The following FYN variants were observed in gnomAD, a reference collection of about 807,000 sequenced individuals.
The protein encoded by FYN is tyrosine-protein kinase Fyn.
In FYN, 10 loss-of-function variants were observed where a neutral mutation model predicts 70.2. That is an observed-to-expected ratio of 0.14 (90% CI 0.09 to 0.24). FYN has a LOEUF of 0.24. Ranked by LOEUF, FYN falls within the 10% of genes least tolerant of loss-of-function variation. The pLI is 1.00. For synonymous variants in FYN, 236 were observed against 248.6 expected (o/e 0.95, Z 0.48); for missense variants, 319 against 673.1 (o/e 0.47, Z 5.82).
intron 5 of FYN, 42 bp downstream of exon 5, chr6:111,714,305 A>G (rs1473950265): frequency 7.3e-7 from 1 of 1,363,044 alleles, no homozygotes; most frequent in Non-Finnish European, 1.1e-6. Flanking sequence ...CCCCTTCCCA[A>G]CCTGAAAGGT....
chr6:111,805,474 C>A (rs1485053265), intron 2 of FYN, among the ~76,000 whole-genome samples: 1 of 152,184 alleles, frequency 6.6e-6, no homozygotes, highest in Non-Finnish European at 1.5e-5. Context: ...ACATGTGAGA[C>A]GCTGCTGTTG....
chr6:111,764,240 A>G (rs1309036317), intron 3 of FYN, among the ~76,000 whole-genome samples: 1 of 148,370 alleles, frequency 6.7e-6, no homozygotes, highest in Non-Finnish European at 1.5e-5. Flanking sequence ...AAAGAAAAGA[A>G]AAAAAAAGAA....
chr6:111,843,610 T>C (rs1475630240), intron 2 of FYN, among the ~76,000 whole-genome samples: 1 of 152,170 alleles, frequency 6.6e-6, no homozygotes, highest in Non-Finnish European at 1.5e-5. Flanking sequence ...GCTTGAAACT[T>C]TGTACTTTTG....
intron 2 of FYN, among the ~76,000 whole-genome samples, chr6:111,845,626 C>A (rs1158213134): frequency 6.6e-6 from 1 of 152,210 alleles, no homozygotes; most frequent in Non-Finnish European, 1.5e-5. Context: ...GCCTCTCTTG[C>A]ACTCAAATCA....
rs919450461 is a variant in FYN at position 111,661,355 on chromosome 6, T to C, written c.*384A>G. On this transcript the variant is annotated 3_prime_UTR_variant, in exon 14 of 14. Coordinates refer to ENST00000354650, the MANE Select transcript of FYN (RefSeq NM_002037.5). This position sits in a 1 kb window ranked among gnomAD's most constrained non-coding sequence, Gnocchi z 4.0. Reference sequence around the variant, plus strand: ...AGGCCACTTTTGGAAAATAATACTTTTTTTTTTTTAGTTGAATCAGGTGAA... The same window carrying C: ...AGGCCACTTTTGGAAAATAATACTTCTTTTTTTTTAGTTGAATCAGGTGAA... The C allele has an allele frequency of 6.2e-6, 1 of 161,180 alleles. No individual in the cohort carries two copies. Among genetic ancestry groups the C allele is most frequent in the African/African-American group, 2.4e-5 (1 of 41,772 alleles). 10.0% of individuals were successfully genotyped at this position (161,180 alleles called of 1,614,324 possible).
chr6:111,842,671 C>T (rs1347744647), intron 2 of FYN, among the ~76,000 whole-genome samples: 1 of 152,200 alleles, frequency 6.6e-6, no homozygotes, highest in African/African-American at 2.4e-5. Flanking sequence ...AATTAATTTT[C>T]CCACCTCTTA....
chr6:111,699,774 A>G, intron 9 of FYN: 1 of 1,118,572 alleles, frequency 8.9e-7, no homozygotes, highest in Non-Finnish European at 1.3e-6. Context: ...ATGACACTCA[A>G]CAAATATTTG....
chr6:111,692,379 G>C (rs1304333110), intron 12 of FYN, among the ~76,000 whole-genome samples: 1 of 152,184 alleles, frequency 6.6e-6, no homozygotes, highest in Non-Finnish European at 1.5e-5. Context: ...TAATGCAGAG[G>C]AACGGCTGGG....
chr6:111,853,706 C>T (rs1773748063), intron 1 of FYN, among the ~76,000 whole-genome samples: 1 of 152,130 alleles, frequency 6.6e-6, no homozygotes, highest in African/African-American at 2.4e-5. Context: ...GCAGCTTTGA[C>T]CTCTTAGGCT....
At chr6:111,689,233 T>C (rs1032877684) in intron 12 of FYN, among the ~76,000 whole-genome samples, 1 of 152,200 alleles carries the variant, frequency 6.6e-6, no homozygotes, top group Non-Finnish European at 1.5e-5. Flanking sequence ...GACACCAAGC[T>C]TGTAAGTGAC....
chr6:111,720,248 G>A (rs140742196), intron 3 of FYN, among the ~76,000 whole-genome samples, 186 bp from the exon 4 acceptor site: 5 of 152,218 alleles, frequency 3.3e-5, no homozygotes, highest in South Asian at 4.1e-4. Context: ...CCCCACAATC[G>A]CATTTGTTCC....
chr6:111,667,987 T>C (rs1043696745), intron 13 of FYN, among the ~76,000 whole-genome samples: 1 of 152,250 alleles, frequency 6.6e-6, no homozygotes, highest in South Asian at 2.1e-4. Flanking sequence ...TAACTGAGCT[T>C]TCCGTTCAAA....
At chr6:111,769,842 C>A (rs990939363) in intron 3 of FYN, among the ~76,000 whole-genome samples, 1 of 152,190 alleles carries the variant, frequency 6.6e-6, no homozygotes, top group African/African-American at 2.4e-5. Context: ...TTTACACTAT[C>A]ATTTACAGGC....
At chr6:111,846,989 G>A (rs1773549722) in intron 1 of FYN, among the ~76,000 whole-genome samples, 1 of 152,130 alleles carries the variant, frequency 6.6e-6, no homozygotes, top group African/African-American at 2.4e-5. Flanking sequence ...ATCAATGGTT[G>A]GGGCACAATT....
At chr6:111,672,350 A>T (rs879399088) in intron 13 of FYN, among the ~76,000 whole-genome samples, 1 of 152,196 alleles carries the variant, frequency 6.6e-6, no homozygotes, top group Non-Finnish European at 1.5e-5. Context: ...CCCACTGCAG[A>T]CCAGCACTTG....
At chr6:111,723,640 T>G (rs1420997650) in intron 3 of FYN, among the ~76,000 whole-genome samples, 2 of 152,234 alleles carry the variant, frequency 1.3e-5, no homozygotes, top group Non-Finnish European at 2.9e-5. Context: ...TCAGACTAAC[T>G]GCTTCGTGAC....
chr6:111,740,209 T>C (rs1801898432), intron 3 of FYN, among the ~76,000 whole-genome samples: 1 of 152,210 alleles, frequency 6.6e-6, no homozygotes, highest in African/African-American at 2.4e-5. Context: ...AGAAAAAGTC[T>C]TCAAATGAAT....
chr6:111,840,480 C>G (rs531592427), intron 2 of FYN, among the ~76,000 whole-genome samples: 1 of 152,170 alleles, frequency 6.6e-6, no homozygotes, highest in Non-Finnish European at 1.5e-5. Context: ...CTGAAGGTAT[C>G]GTGGCCCTGC....
At position 111,826,853 on chromosome 6, in the gene FYN, T is replaced by C. The variant is rs532573940; in HGVS notation, c.-82+19736A>G. On this transcript the variant is annotated intron_variant, in intron 2 of 13. Coordinates refer to ENST00000354650, the MANE Select transcript of FYN (RefSeq NM_002037.5). ...CTCATACCAGGGACCCAATAAACAT[T>C]TGTAATTAGAAGCTGACTTTTTGTT... is the stretch of plus-strand genomic sequence containing the variant. 5.9e-5 allele frequency among the ~76,000 whole-genome samples: 9 copies of C among 152,242 alleles called. No homozygotes were observed. The South Asian group carries it at 1.9e-3, about 32-fold the overall frequency.
Sources: allele counts gnomAD v4.1 joint callset (sites outside exome capture counted in the v4.1 genomes callset), GRCh38; gene constraint gnomAD v4.1.1; non-coding constraint Gnocchi (gnomAD v3.1); transcripts MANE v1.5; gene names NCBI Gene and HGNC (gene_info 2026-07-23, HGNC 2026-07-21).